TENM3: variants seen among roughly 807,000 people sequenced by gnomAD.
TENM3 encodes the protein teneurin-3.
In TENM3, 63 loss-of-function variants were observed where a neutral mutation model predicts 255.1. That is an observed-to-expected ratio of 0.25 (90% CI 0.20 to 0.30). The LOEUF (loss-of-function observed/expected upper bound fraction) is 0.30. TENM3 is among the 10% of genes least tolerant of loss of function. TENM3 has a pLI of 1.00. For missense variants in TENM3, 2,929 were observed against 3,461.1 expected, an observed-to-expected ratio of 0.85 and a Z score of 3.86; for synonymous variants, 1,306 against 1,322.3, an observed-to-expected ratio of 0.99 and a Z score of 0.27.
chr4:181,824,096 AATAAT>A, the TENM3 span, among the ~76,000 whole-genome samples: 9 of 152,152 alleles, frequency 5.9e-5, no homozygotes, highest in Admixed American at 5.9e-4. Flanking sequence ...ATATTTTTCT[AATAAT>A]ATAATCTATA....
At chr4:181,681,446 C>CT in the TENM3 span, among the ~76,000 whole-genome samples, 2 of 152,032 alleles carry the variant, frequency 1.3e-5, no homozygotes, top group Non-Finnish European at 2.9e-5. Context: ...TCTGAAAAGC[C>CT]TTAGGGGTTC....
At position 182,245,819 on chromosome 4, in the gene TENM3, G is replaced by A. The variant is rs541665749; in HGVS notation, c.-76+2343G>A. 1.6e-4 allele frequency among the ~76,000 whole-genome samples: 24 copies of A among 152,260 alleles called. No individual in the cohort carries two copies. In the East Asian group the frequency reaches 2.3e-3, roughly 15 times the overall value. ...TCTGAGCTGGTTTCTTAACTTTTCC[G>A]TTGATGAGCAATAAAACCAGTAGAA... On this transcript the variant is annotated intron_variant, in intron 1 of 27. Transcript: ENST00000511685.
the TENM3 span, among the ~76,000 whole-genome samples, chr4:181,653,654 C>T: frequency 6.6e-6 from 1 of 151,138 alleles, no homozygotes; most frequent in East Asian, 2.0e-4. Context: ...CCGCCTTGGC[C>T]TCCCAAAGTG....
the TENM3 span, among the ~76,000 whole-genome samples, chr4:181,511,542 A>G: frequency 1.3e-5 from 2 of 152,192 alleles, no homozygotes; most frequent in Non-Finnish European, 2.9e-5. Flanking sequence ...CCTCTAAAAC[A>G]GCAATCCTCC....
At chr4:181,990,340 C>T in the TENM3 span, among the ~76,000 whole-genome samples, 2 of 152,112 alleles carry the variant, frequency 1.3e-5, no homozygotes, top group Non-Finnish European at 2.9e-5. Context: ...GGATAAACTA[C>T]GTGCATACGA....
At chr4:181,814,144 A>T in the TENM3 span, among the ~76,000 whole-genome samples, 3 of 152,180 alleles carry the variant, frequency 2.0e-5, no homozygotes, top group African/African-American at 7.2e-5. Context: ...TGCTTACAGA[A>T]CAAGTATATA....
At chr4:182,299,535 AG>A (rs2150362199) in intron 1 of TENM3, among the ~76,000 whole-genome samples, 1 of 152,348 alleles carries the variant, frequency 6.6e-6, no homozygotes, top group Admixed American at 6.5e-5. Context: ...TTACACAGGA[AG>A]GTTGACATTT....
chr4:181,467,071 G>A, the TENM3 span, among the ~76,000 whole-genome samples: 4 of 21,086 alleles, frequency 1.9e-4, no homozygotes, highest in African/African-American at 6.4e-4. Context: ...GTGTGTGTGT[G>A]TGTGTGTGTG....
At chr4:182,349,360 G>A (rs1221067936) in intron 3 of TENM3, among the ~76,000 whole-genome samples, 1 of 152,118 alleles carries the variant, frequency 6.6e-6, no homozygotes, top group Non-Finnish European at 1.5e-5. Flanking sequence ...TATGTCCATA[G>A]GAACTTTTCA....
chr4:182,706,113 A>C (rs928728088), intron 12 of TENM3, among the ~76,000 whole-genome samples: 2 of 152,132 alleles, frequency 1.3e-5, no homozygotes, highest in African/African-American at 4.8e-5. Flanking sequence ...TCCTTGGGAA[A>C]TCTATAAACA....
chr4:182,543,162 GATGGATGC>G (rs1378700964), intron 3 of TENM3, among the ~76,000 whole-genome samples: 4 of 152,002 alleles, frequency 2.6e-5, no homozygotes, highest in Non-Finnish European at 5.9e-5. Context: ...GGGATGCATG[GATGGATGC>G]ATGGATGCAA....
intron 1 of TENM3, among the ~76,000 whole-genome samples, chr4:182,255,329 T>C (rs1033496540): frequency 1.3e-5 from 2 of 152,168 alleles, no homozygotes; most frequent in African/African-American, 4.8e-5. Context: ...AAACACGTAA[T>C]GGATGAGATC....
At chr4:182,124,647 C>T in the TENM3 span, among the ~76,000 whole-genome samples, 1 of 152,104 alleles carries the variant, frequency 6.6e-6, no homozygotes. Flanking sequence ...CAGGAGAGAA[C>T]GGTGTCCAGA....
At chr4:182,360,785 G>C (rs891828754) in intron 3 of TENM3, among the ~76,000 whole-genome samples, 1 of 151,928 alleles carries the variant, frequency 6.6e-6, no homozygotes, top group Non-Finnish European at 1.5e-5. Context: ...TGGTTATTTT[G>C]CTCGTTAGTT....
At chr4:181,610,902 A>T in the TENM3 span, among the ~76,000 whole-genome samples, 1 of 152,160 alleles carries the variant, frequency 6.6e-6, no homozygotes, top group East Asian at 1.9e-4. Context: ...TTCCTAACAG[A>T]TTGTTTAGTT....
At chr4:182,340,139 G>A (rs564577899) in intron 2 of TENM3, among the ~76,000 whole-genome samples, 1 of 152,150 alleles carries the variant, frequency 6.6e-6, no homozygotes, top group Non-Finnish European at 1.5e-5. Context: ...TGAAGAAAAT[G>A]CATCTTTTCT....
the TENM3 span, among the ~76,000 whole-genome samples, chr4:181,662,203 C>T: frequency 6.6e-6 from 1 of 152,136 alleles, no homozygotes; most frequent in South Asian, 2.1e-4. Flanking sequence ...TCCACTCTGG[C>T]TGATATGTGA....
intron 6 of TENM3, among the ~76,000 whole-genome samples, chr4:182,660,412 A>G (rs1261151602): frequency 1.3e-5 from 2 of 152,118 alleles, no homozygotes; most frequent in South Asian, 2.1e-4. Context: ...GCAAATTACC[A>G]CTCTCACCTC....
At chr4:182,357,961 T>C (rs1449770891) in intron 3 of TENM3, among the ~76,000 whole-genome samples, 9 of 150,534 alleles carry the variant, frequency 6.0e-5, no homozygotes, top group Non-Finnish European at 1.2e-4. Context: ...CCAGCACCAT[T>C]TATTAAATAG....
Sources: allele counts gnomAD v4.1 joint callset (sites outside exome capture counted in the v4.1 genomes callset), GRCh38; gene constraint gnomAD v4.1.1; transcripts MANE v1.5; gene names NCBI Gene and HGNC (gene_info 2026-07-23, HGNC 2026-07-21).